Variants in NUP155 observed in about 807,000 individuals in gnomAD.
NUP155 encodes the protein nuclear pore complex protein Nup155.
Under a neutral mutation model 180.4 loss-of-function variants are expected in NUP155, and 71 were observed. The ratio of observed to expected loss-of-function variants is 0.39; its 90% CI spans 0.33 to 0.48. The LOEUF is 0.48. Among genes scored for constraint, NUP155 ranks in the 20% least tolerant of loss-of-function variants. NUP155 has a pLI of 0.91. For missense variants in NUP155, 1,553 were observed against 1,648.9 expected, an observed-to-expected ratio of 0.94 and a Z score of 1.01; for synonymous variants, 582 against 559.5, an observed-to-expected ratio of 1.04 and a Z score of -0.57.
At chr5:37,295,364 G>A (rs1742479820) in intron 32 of NUP155, among the ~76,000 whole-genome samples, 1 of 152,172 alleles carries the variant, frequency 6.6e-6, no homozygotes, top group South Asian at 2.1e-4. Flanking sequence ...TGGTGCCCAG[G>A]CTGGAGTGCA....
chr5:37,332,681 G>C (rs918556626), intron 13 of NUP155, among the ~76,000 whole-genome samples: 27 of 152,128 alleles, frequency 1.8e-4, no homozygotes, highest in Non-Finnish European at 8.8e-5. Context: ...AATGATGGCT[G>C]GGCAGATTGG....
intron 1 of NUP155, 176 bp downstream of exon 1, chr5:37,370,645 A>G (rs1237359278): frequency 6.4e-7 from 1 of 1,560,108 alleles, no homozygotes; most frequent in Non-Finnish European, 8.6e-7. Context: ...TACAATGAAG[A>G]AAGTGAGGAA....
At chr5:37,347,408 G>A (rs1045621590) in intron 9 of NUP155, among the ~76,000 whole-genome samples, 1 of 151,834 alleles carries the variant, frequency 6.6e-6, no homozygotes, top group African/African-American at 2.4e-5. Context: ...GAATAAAAGA[G>A]TCTCAAGCTG....
intron 1 of NUP155, among the ~76,000 whole-genome samples, chr5:37,370,235 G>C (rs532319403): frequency 2.1e-4 from 32 of 152,266 alleles, no homozygotes; most frequent in African/African-American, 7.5e-4. Context: ...AGCCGGGCTT[G>C]GTGGCAGGCG....
chr5:37,359,852 CTA>C (rs1747083756), intron 3 of NUP155, among the ~76,000 whole-genome samples: 1 of 152,120 alleles, frequency 6.6e-6, no homozygotes, highest in Non-Finnish European at 1.5e-5. Flanking sequence ...ACCTAATTGA[CTA>C]TATGTACAAA....
chr5:37,370,355 A>AGGG (rs979873386), intron 1 of NUP155, among the ~76,000 whole-genome samples: 6 of 152,226 alleles, frequency 3.9e-5, no homozygotes, highest in Non-Finnish European at 8.8e-5. Context: ...CTGGGCGAAG[A>AGGG]GGGAACCGCT....
intron 9 of NUP155, among the ~76,000 whole-genome samples, chr5:37,346,453 C>T (rs1490438103): frequency 6.6e-6 from 1 of 152,080 alleles, no homozygotes; most frequent in African/African-American, 2.4e-5. Flanking sequence ...AGGCAGATCA[C>T]CTCAGGTCAG....
chr5:37,295,886 GC>G (rs1360287411), intron 32 of NUP155, among the ~76,000 whole-genome samples: 41 of 148,038 alleles, frequency 2.8e-4, no homozygotes, highest in African/African-American at 9.4e-4. Context: ...TGGGGGGTCA[GC>G]CCCCCGCCTG....
intron 10 of NUP155, among the ~76,000 whole-genome samples, chr5:37,341,455 G>A (rs571683319): frequency 4.1e-4 from 63 of 152,200 alleles, no homozygotes; most frequent in African/African-American, 1.3e-3. Flanking sequence ...TCCGCCTCCC[G>A]GGTTCAAGCG....
chr5:37,314,435 C>T, intron 21 of NUP155, 107 bp from the exon 22 acceptor site: 1 of 812,568 alleles, frequency 1.2e-6, no homozygotes, highest in Non-Finnish European at 2.0e-6. Flanking sequence ...TTCTTCCTAG[C>T]CCCCATTACA....
In NUP155 at chr5:37,327,625, T is replaced by C. The variant is rs1422923225; in HGVS notation, c.2024+4A>G. On this transcript the variant is annotated splice_donor_region_variant and intron_variant, in intron 18 of 34. Coordinates refer to ENST00000231498, the MANE Select transcript of NUP155 (RefSeq NM_153485.3). ...AATAATTCATTATTTCATGACAAAC[T>C]TACCCCATGATCCGAGAAAAGTAAA... 3 of 1,613,980 alleles carry C rather than the reference T, an allele frequency of 1.9e-6. No individual in the cohort carries two copies. The highest frequency in any genetic ancestry group is 1.7e-6 in the Non-Finnish European group (2 of 1,179,904).
chr5:37,349,255 A>T lies in NUP155; in HGVS notation c.830-10T>A. 2 of 801,948 alleles carry T rather than the reference A, an allele frequency of 2.5e-6. No homozygotes were observed. The highest frequency in any genetic ancestry group is 3.9e-6 in the Non-Finnish European group (2 of 512,410). 49.7% of individuals were successfully genotyped at this position (801,948 alleles called of 1,614,324 possible). ...ATTTGAAGAATAGGATCTAAAAGTA[A>T]GACAAAAAAAAAAAAGAGAAAAAAG... On this transcript the variant is annotated splice_polypyrimidine_tract_variant and intron_variant, in intron 7 of 34. Transcript: ENST00000231498.
Position 37,303,288 on chromosome 5 carries a change from C to T in NUP155, c.3289G>A (p.Val1097Ile). The change falls in exon 28 of 35, where the codon GTA (valine) becomes ATA (isoleucine). Residue 1097 changes from valine to isoleucine, a missense_variant. Coordinates refer to ENST00000231498, the MANE Select transcript of NUP155 (RefSeq NM_153485.3). Reference sequence around the variant, plus strand: ...TGCATGTCAGCCAGTCTGGACAGTACACGAGCAGCATTACTGAAACTTCTG... The same window carrying T: ...TGCATGTCAGCCAGTCTGGACAGTATACGAGCAGCATTACTGAAACTTCTG... ...KNRSFSNAAR[V>I]LSRLADMHST... is the part of the protein sequence containing the mutation. The T allele has an allele frequency of 1.2e-6, 2 of 1,614,112 alleles. No homozygotes were observed. Among genetic ancestry groups the T allele is most frequent in the Non-Finnish European group, 1.7e-6 (2 of 1,179,998 alleles).
chr5:37,292,276 C>T (rs556118514), intron 34 of NUP155, among the ~76,000 whole-genome samples: 125 of 150,708 alleles, frequency 8.3e-4, no homozygotes, highest in Non-Finnish European at 1.4e-3. Flanking sequence ...AGTGCAGTGG[C>T]GCCATCTCGG....
chr5:37,326,938 C>T (rs1445201946), intron 18 of NUP155, among the ~76,000 whole-genome samples: 1 of 152,158 alleles, frequency 6.6e-6, no homozygotes, highest in Non-Finnish European at 1.5e-5. Context: ...GCTACCCCAG[C>T]ACATCAAAAC....
intron 11 of NUP155, among the ~76,000 whole-genome samples, chr5:37,339,377 T>C (rs191763967): frequency 1.3e-4 from 19 of 150,194 alleles, no homozygotes; most frequent in Admixed American, 9.9e-4. Context: ...CCTATAATCC[T>C]AGCGCTTTGG....
Position 37,348,471 on chromosome 5 carries a change from C to A in NUP155, c.995+34G>T, listed in dbSNP as rs114983068. 2,529 of 1,286,322 alleles carry A rather than the reference C, an allele frequency of 2.0e-3. 42 individuals are homozygous for A. The African/African-American group carries it at 0.031, about 16-fold the overall frequency. 79.7% of individuals were successfully genotyped at this position (1,286,322 alleles called of 1,614,324 possible). On this transcript the variant is annotated intron_variant, in intron 9 of 34. Transcript: ENST00000231498. ...CACACAAATAGTATAATTATGCCTG[C>A]AAATGAAATGCTTAATAATAAATTA...
intron 27 of NUP155, 53 bp from the exon 28 acceptor site, chr5:37,303,467 T>C: frequency 6.9e-6 from 10 of 1,448,854 alleles, no homozygotes; most frequent in Non-Finnish European, 9.7e-6. Context: ...ACAGATAATG[T>C]TCCTGATAAG....
intron 24 of NUP155, among the ~76,000 whole-genome samples, chr5:37,307,863 A>G (rs1743257579): frequency 6.6e-6 from 1 of 151,132 alleles, no homozygotes; most frequent in Non-Finnish European, 1.5e-5. Flanking sequence ...CAGAGGTTGT[A>G]GTGAGCTGAG....
Sources: allele counts gnomAD v4.1 joint callset (sites outside exome capture counted in the v4.1 genomes callset), GRCh38; gene constraint gnomAD v4.1.1; transcripts MANE v1.5; gene names NCBI Gene and HGNC (gene_info 2026-07-23, HGNC 2026-07-21).